The following PTPRE variants were observed in gnomAD, a reference collection of about 807,000 sequenced individuals.
PTPRE encodes the protein receptor-type tyrosine-protein phosphatase epsilon.
In PTPRE, 51 loss-of-function variants were observed where a neutral mutation model predicts 102.0. The ratio of observed to expected loss-of-function variants is 0.50; its 90% CI spans 0.40 to 0.63. PTPRE has a LOEUF of 0.63. Among genes scored for constraint, PTPRE ranks in the 30% least tolerant of loss-of-function variants. The pLI is 0.00. For synonymous variants in PTPRE, 345 were observed against 348.2 expected (o/e 0.99, Z 0.10); for missense variants, 752 against 915.1 (o/e 0.82, Z 2.30).
intron 2 of PTPRE, among the ~76,000 whole-genome samples, chr10:127,987,873 T>A (rs539808219): frequency 6.6e-6 from 1 of 152,322 alleles, no homozygotes; most frequent in East Asian, 1.9e-4. Context: ...ACAGAGCAAG[T>A]GTGAGGGACC....
At chr10:128,031,877 C>G (rs927497686) in intron 2 of PTPRE, among the ~76,000 whole-genome samples, 1 of 152,156 alleles carries the variant, frequency 6.6e-6, no homozygotes, top group African/African-American at 2.4e-5. Flanking sequence ...TCCAACCACG[C>G]CACCCCTTCT....
rs550172495 is a variant in PTPRE at position 128,085,139 on chromosome 10, G to A, written c.*2233G>A. ...CCCTCCACTGTCCGGGACAGCGTTC[G>A]CCCTTTAGCGGGGAGGTCATTACAG... is the stretch of plus-strand genomic sequence containing the variant. On this transcript the variant is annotated 3_prime_UTR_variant, in exon 21 of 21. Coordinates refer to ENST00000254667, the MANE Select transcript of PTPRE (RefSeq NM_006504.6). The A allele has an allele frequency of 6.0e-4, 273 of 455,880 alleles. No homozygotes were observed. Among genetic ancestry groups the A allele is most frequent in the Non-Finnish European group, 9.6e-4 (217 of 226,780 alleles). The allele number at this position is 455,880 out of a possible 1,614,324, so 28.2% of individuals were successfully genotyped here.
intron 2 of PTPRE, among the ~76,000 whole-genome samples, chr10:128,003,472 G>T (rs4073017): frequency 0.52 from 78,850 of 151,948 alleles, 20,584 homozygotes; most frequent in South Asian, 0.71. Context: ...ACTATACTCT[G>T]TTACATTCAT....
chr10:128,057,523 C>T (rs1368271177), intron 7 of PTPRE, among the ~76,000 whole-genome samples: 2 of 152,204 alleles, frequency 1.3e-5, no homozygotes, highest in East Asian at 3.9e-4. Flanking sequence ...TATGTCAGAG[C>T]AGCTATGGTC....
chr10:128,080,137 C>T (rs1851571959), intron 20 of PTPRE, among the ~76,000 whole-genome samples: 1 of 152,216 alleles, frequency 6.6e-6, no homozygotes, highest in Admixed American at 6.5e-5. Context: ...CTCACTCAGC[C>T]TCAAGATACC....
chr10:128,069,449 C>T (rs796132995), intron 12 of PTPRE: 34 of 532,416 alleles, frequency 6.4e-5, no homozygotes, highest in African/African-American at 5.3e-4. Context: ...TAATCCGAGG[C>T]TTACTGCACC....
chr10:128,040,821 G>A lies in PTPRE; in HGVS notation c.-7-54G>A. 6.4e-6 allele frequency: 9 copies of A among 1,404,908 alleles called. No individual in the cohort carries two copies. In the Admixed American group the frequency reaches 1.6e-4, roughly 24 times the overall value. The allele number at this position is 1,404,908 out of a possible 1,614,324, so 87.0% of individuals were successfully genotyped here. On this transcript the variant is annotated intron_variant, in intron 2 of 20. Coordinates refer to ENST00000254667, the MANE Select transcript of PTPRE (RefSeq NM_006504.6). The stretch of plus-strand genomic sequence containing the variant: ...CTCATCATCACTGCCTGGCACCGGA[G>A]GGTCCCACAGCTGCTGCTGGATGAC...
chr10:128,077,575 C>T (rs1198577609), intron 18 of PTPRE, 42 bp from the exon 19 acceptor site: 3 of 1,569,920 alleles, frequency 1.9e-6, no homozygotes, highest in Admixed American at 1.7e-5. Flanking sequence ...GGCCTGTTCC[C>T]CGGCAGGCAG....
intron 11 of PTPRE, among the ~76,000 whole-genome samples, chr10:128,066,569 A>G (rs1248919748): frequency 6.6e-6 from 1 of 152,194 alleles, no homozygotes; most frequent in Non-Finnish European, 1.5e-5. Flanking sequence ...ATTCTGTCTG[A>G]AACCTCCTCG....
At chr10:127,975,106 G>C (rs578227534) in intron 1 of PTPRE, among the ~76,000 whole-genome samples, 3 of 152,178 alleles carry the variant, frequency 2.0e-5, no homozygotes, top group African/African-American at 7.2e-5. Flanking sequence ...ATCACCTGGC[G>C]TCTAGTGGGT....
chr10:127,993,530 A>G (rs1029053986), intron 2 of PTPRE, among the ~76,000 whole-genome samples: 1 of 152,134 alleles, frequency 6.6e-6, no homozygotes, highest in Non-Finnish European at 1.5e-5. Flanking sequence ...GGGTTCACCC[A>G]GCATGCATCG....
In PTPRE at chr10:127,956,615, G is replaced by A. The variant is rs11018419; in HGVS notation, c.-30-25659G>A. Among the ~76,000 whole-genome samples, 13 of 152,328 alleles carry A rather than the reference G, an allele frequency of 8.5e-5. No individual in the cohort carries two copies. The East Asian group carries it at 2.3e-3, about 27-fold the overall frequency. On this transcript the variant is annotated intron_variant, in intron 1 of 20. Coordinates refer to ENST00000254667, the MANE Select transcript of PTPRE (RefSeq NM_006504.6). ...AAGGAGTGCAATTGCTGGATCATAT[G>A]TTAAGTGTGTTTAGTTTTATAAGAA...
chr10:127,962,250 C>A (rs1001953133), intron 1 of PTPRE, among the ~76,000 whole-genome samples: 6 of 152,100 alleles, frequency 3.9e-5, no homozygotes, highest in Admixed American at 2.6e-4. Context: ...GGAGGGGCAG[C>A]CCCAGGTACC....
intron 20 of PTPRE, among the ~76,000 whole-genome samples, chr10:128,082,421 C>T (rs1251906806): frequency 6.6e-6 from 1 of 151,318 alleles, no homozygotes; most frequent in South Asian, 2.1e-4. Context: ...CACCATGTTG[C>T]CCAGGCTGGT....
rs574173961 is a variant in PTPRE at position 128,008,088 on chromosome 10, G to T, written c.-8+25792G>T. On this transcript the variant is annotated intron_variant, in intron 2 of 20. Transcript: ENST00000254667. The surrounding 1 kb of genome is among the most constrained non-coding windows in gnomAD (Gnocchi z 4.0). Reference sequence around the variant, plus strand: ...AGAAGGCATCTCTCACCACTGGGGAGGCACAGGAGGCACCACGCCACGTGT... The same window carrying T: ...AGAAGGCATCTCTCACCACTGGGGATGCACAGGAGGCACCACGCCACGTGT... Among the ~76,000 whole-genome samples, 1 of 152,206 alleles carries T rather than the reference G, an allele frequency of 6.6e-6. No homozygotes were observed. Among genetic ancestry groups the T allele is most frequent in the Non-Finnish European group, 1.5e-5 (1 of 68,040 alleles).
intron 1 of PTPRE, among the ~76,000 whole-genome samples, chr10:127,966,286 G>T (rs1850247659): frequency 1.3e-5 from 2 of 152,154 alleles, no homozygotes; most frequent in South Asian, 2.1e-4. Flanking sequence ...ACAACATCTT[G>T]CTAGGAATTG....
At chr10:127,967,206 G>T (rs993841486) in intron 1 of PTPRE, among the ~76,000 whole-genome samples, 12 of 152,152 alleles carry the variant, frequency 7.9e-5, no homozygotes, top group African/African-American at 2.7e-4. Context: ...TAATGAATTT[G>T]TTTGCTTATT....
chr10:127,926,851 AC>A (rs1232991565), intron 1 of PTPRE, among the ~76,000 whole-genome samples: 1 of 123,400 alleles, frequency 8.1e-6, no homozygotes, highest in African/African-American at 3.2e-5. Flanking sequence ...TTACTCTGTC[AC>A]CCAGGCTGGA....
chr10:127,978,245 A>T (rs1851343056), intron 1 of PTPRE, among the ~76,000 whole-genome samples: 1 of 152,136 alleles, frequency 6.6e-6, no homozygotes, highest in Non-Finnish European at 1.5e-5. Flanking sequence ...ACAAAAAAAA[A>T]CAAGCAGACA....
Sources: gnomAD v4.1 joint callset for allele counts (sites outside exome capture counted in the v4.1 genomes callset) on GRCh38, gnomAD v4.1.1 for gene constraint, Gnocchi (gnomAD v3.1) non-coding constraint, MANE v1.5 for transcripts, NCBI Gene and HGNC (gene_info 2026-07-23, HGNC 2026-07-21) for gene names.